Variants in SORCS1 observed in about 807,000 individuals in gnomAD.
The protein encoded by SORCS1 is VPS10 domain-containing receptor SorCS1.
SORCS1 carries 60 observed loss-of-function variants against 146.1 expected under a neutral mutation model. The ratio of observed to expected loss-of-function variants is 0.41; its 90% CI spans 0.33 to 0.51. The LOEUF (loss-of-function observed/expected upper bound fraction) is 0.51. SORCS1 is among the 20% of genes least tolerant of loss of function. The pLI, the probability that SORCS1 is intolerant of heterozygous loss-of-function variation, is 0.21. For missense variants in SORCS1, 1,352 were observed against 1,487.6 expected, an observed-to-expected ratio of 0.91 and a Z score of 1.50; for synonymous variants, 637 against 584.0, an observed-to-expected ratio of 1.09 and a Z score of -1.31.
At chr10:106,874,997 T>G (rs75259758) in intron 2 of SORCS1, among the ~76,000 whole-genome samples, 2,747 of 152,274 alleles carry the variant, frequency 0.018, 94 homozygotes, top group African/African-American at 0.062. Flanking sequence ...GGGGTAAAAG[T>G]GATTTTTGGT....
At chr10:106,988,626 C>G (rs1465394503) in intron 1 of SORCS1, among the ~76,000 whole-genome samples, 1 of 151,950 alleles carries the variant, frequency 6.6e-6, no homozygotes. Flanking sequence ...GACTGCCTTT[C>G]CAGAATTATA....
At position 106,577,324 on chromosome 10, in the gene SORCS1, A is replaced by G. The variant is rs1295724107; in HGVS notation, c.*96T>C. 6.2e-7 allele frequency: 1 copy of G among 1,609,982 alleles called. No homozygotes were observed. The highest frequency in any genetic ancestry group is 1.3e-5 in the African/African-American group (1 of 74,724). On this transcript the variant is annotated 3_prime_UTR_variant, in exon 26 of 26. Coordinates refer to ENST00000263054, the MANE Select transcript of SORCS1 (RefSeq NM_052918.5). ...AAACAGAACAACAAAGGAAAGAAAAAAAACACAAAGTTAGTGGTCATGAAG... is the reference window on the plus strand; with the variant it reads ...AAACAGAACAACAAAGGAAAGAAAAGAAACACAAAGTTAGTGGTCATGAAG...
chr10:106,863,719 T>C (rs2137474216), intron 2 of SORCS1, among the ~76,000 whole-genome samples: 1 of 150,426 alleles, frequency 6.6e-6, no homozygotes, highest in South Asian at 2.1e-4. Flanking sequence ...TGACAGAGGG[T>C]GGCGCTCTAA....
At chr10:106,579,151 G>A in intron 25 of SORCS1, 1 of 1,614,128 alleles carries the variant, frequency 6.2e-7, no homozygotes, top group South Asian at 1.1e-5. Flanking sequence ...AGTTCAGTCT[G>A]AGGGACATTG....
intron 18 of SORCS1, among the ~76,000 whole-genome samples, chr10:106,635,462 C>T (rs976133487): frequency 6.6e-5 from 10 of 151,930 alleles, no homozygotes; most frequent in East Asian, 3.9e-4. Context: ...TGTGTTTGTG[C>T]GAGTACAGAG....
At chr10:107,070,855 C>T (rs1328235) in intron 1 of SORCS1, among the ~76,000 whole-genome samples, 78,897 of 151,678 alleles carry the variant, frequency 0.52, 21,911 homozygotes, top group African/African-American at 0.7. Context: ...ATATATAATT[C>T]TCCTGTGAAG....
chr10:107,022,002 C>T (rs1225760673), intron 1 of SORCS1, among the ~76,000 whole-genome samples: 8 of 152,240 alleles, frequency 5.3e-5, no homozygotes, highest in African/African-American at 1.7e-4. Flanking sequence ...TTGTGGAGAT[C>T]GCTCTGATCT....
chr10:107,051,971 G>T (rs1352995750), intron 1 of SORCS1, among the ~76,000 whole-genome samples: 1 of 152,110 alleles, frequency 6.6e-6, no homozygotes, highest in East Asian at 1.9e-4. Context: ...TGGACTACTG[G>T]TGTTGCACAG....
chr10:107,138,739 A>T (rs1967550169), intron 1 of SORCS1, among the ~76,000 whole-genome samples: 1 of 152,222 alleles, frequency 6.6e-6, no homozygotes, highest in South Asian at 2.1e-4. Flanking sequence ...GAGATTTCTC[A>T]CTGAAGCCAA....
rs566637105 is a variant in SORCS1, at chr10:106,633,204, A to G, written c.2476-3816T>C. On this transcript the variant is annotated intron_variant, in intron 18 of 25. Coordinates refer to ENST00000263054, the MANE Select transcript of SORCS1 (RefSeq NM_052918.5). ...AAATTTTAATTGATAATAATCACAC[A>G]TATTTATGGGGGTATATGTGATATT... Among the ~76,000 whole-genome samples, 4 of 152,298 alleles carry G rather than the reference A, an allele frequency of 2.6e-5. No homozygotes were observed. The South Asian group carries it at 8.3e-4, about 32-fold the overall frequency.
At chr10:107,073,915 G>A (rs1485072270) in intron 1 of SORCS1, among the ~76,000 whole-genome samples, 1 of 151,948 alleles carries the variant, frequency 6.6e-6, no homozygotes, top group Non-Finnish European at 1.5e-5. Flanking sequence ...AGCAGTTTTA[G>A]GTGGAATGGA....
At chr10:106,889,497 C>T (rs180676748) in intron 2 of SORCS1, among the ~76,000 whole-genome samples, 113 of 152,124 alleles carry the variant, frequency 7.4e-4, no homozygotes, top group African/African-American at 2.6e-3. Context: ...GGCACGGTGG[C>T]TCATGCCTGT....
chr10:107,172,667 T>G, the SORCS1 span, among the ~76,000 whole-genome samples: 1 of 152,330 alleles, frequency 6.6e-6, no homozygotes, highest in Admixed American at 6.5e-5. Flanking sequence ...AATGAGTGAA[T>G]AACAAAGCTA....
intron 1 of SORCS1, among the ~76,000 whole-genome samples, chr10:106,973,429 A>G (rs916455950): frequency 6.6e-6 from 1 of 152,176 alleles, no homozygotes; most frequent in African/African-American, 2.4e-5. Flanking sequence ...ATCTCCCAGG[A>G]AAGAATCCAC....
chr10:106,592,701 C>G (rs1237509063), intron 24 of SORCS1, among the ~76,000 whole-genome samples: 1 of 151,672 alleles, frequency 6.6e-6, no homozygotes, highest in Non-Finnish European at 1.5e-5. Flanking sequence ...TTTCCCCTGC[C>G]TACAGGGGGG....
At chr10:106,582,663 G>C (rs990394438) in intron 24 of SORCS1, among the ~76,000 whole-genome samples, 1 of 152,176 alleles carries the variant, frequency 6.6e-6, no homozygotes, top group African/African-American at 2.4e-5. Flanking sequence ...GCTTAAACAA[G>C]GTAGACGTGT....
At chr10:106,751,176 C>A (rs1283310349) in intron 5 of SORCS1, among the ~76,000 whole-genome samples, 1 of 151,512 alleles carries the variant, frequency 6.6e-6, no homozygotes, top group Non-Finnish European at 1.5e-5. Flanking sequence ...AAATACCACG[C>A]CTCTCAAGGT....
At chr10:106,740,239 A>G (rs1243677378) in intron 5 of SORCS1, among the ~76,000 whole-genome samples, 1 of 152,102 alleles carries the variant, frequency 6.6e-6, no homozygotes, top group African/African-American at 2.4e-5. Context: ...TTCTTCCCAC[A>G]CCTCAGTGAA....
intron 12 of SORCS1, among the ~76,000 whole-genome samples, chr10:106,678,172 T>C (rs1192106026): frequency 6.6e-6 from 1 of 152,208 alleles, no homozygotes; most frequent in Non-Finnish European, 1.5e-5. Flanking sequence ...TTCCAATTTG[T>C]TTATTTCTTA....
Sources: gnomAD v4.1 joint callset for allele counts (sites outside exome capture counted in the v4.1 genomes callset) on GRCh38, gnomAD v4.1.1 for gene constraint, MANE v1.5 for transcripts, NCBI Gene and HGNC (gene_info 2026-07-23, HGNC 2026-07-21) for gene names.